DLGAP2: variants seen among roughly 807,000 people sequenced by gnomAD.
DLGAP2 encodes the protein disks large-associated protein 2.
DLGAP2 carries 26 observed loss-of-function variants against 100.3 expected under a neutral mutation model. The observed-to-expected ratio is 0.26, with a 90% confidence interval of 0.19 to 0.36. DLGAP2 has a LOEUF of 0.36. Ranked by LOEUF, DLGAP2 falls within the 10% of genes least tolerant of loss-of-function variation. The pLI is 1.00. For missense variants in DLGAP2, 1,858 were observed against 1,453.2 expected (o/e 1.28, Z -4.53); for synonymous variants, 886 against 630.1 (o/e 1.41, Z -6.08).
intron 2 of DLGAP2, among the ~76,000 whole-genome samples, chr8:1,001,828 T>C (rs541068746): frequency 6.6e-6 from 1 of 152,148 alleles, no homozygotes; most frequent in Admixed American, 6.5e-5. Flanking sequence ...ATCTTGACAC[T>C]CAGAACAGAT....
chr8:841,687 T>A (rs1036933877), intron 1 of DLGAP2, among the ~76,000 whole-genome samples: 2 of 152,140 alleles, frequency 1.3e-5, no homozygotes, highest in African/African-American at 4.8e-5. Context: ...GCTCAAGCGA[T>A]TCTCCTGCCT....
intron 2 of DLGAP2, among the ~76,000 whole-genome samples, chr8:909,697 A>T (rs191134954): frequency 6.6e-6 from 1 of 152,322 alleles, no homozygotes; most frequent in African/African-American, 2.4e-5. Context: ...GGAAGACCAT[A>T]GGCTTTAATA....
At chr8:1,568,254 C>T (rs1225797864) in intron 6 of DLGAP2, among the ~76,000 whole-genome samples, 1 of 133,934 alleles carries the variant, frequency 7.5e-6, no homozygotes, top group African/African-American at 3.0e-5. Context: ...GCCCATGGCC[C>T]CCGTGCCACT....
At position 1,352,242 on chromosome 8, in the gene DLGAP2, A is replaced by T. The variant is rs1347305313; in HGVS notation, c.106+93359A>T. Among the ~76,000 whole-genome samples the T allele has an allele frequency of 4.3e-5, 5 of 117,562 alleles. 1 individual carries two copies. Among genetic ancestry groups the T allele is most frequent in the African/African-American group, 1.6e-4 (5 of 30,532 alleles). 77.1% of individuals were successfully genotyped at this position (117,562 alleles called of 152,430 possible). On this transcript the variant is annotated intron_variant, in intron 3 of 14. Coordinates refer to ENST00000637795, the MANE Select transcript of DLGAP2 (RefSeq NM_001346810.2). ...CCGTGCGGGTCCTGACTGTGTTTGG[A>T]AAGGCCGTGTGGGTCCTGATCGTGT...
chr8:1,494,127 G>A (rs545339921), intron 3 of DLGAP2, among the ~76,000 whole-genome samples: 1 of 152,216 alleles, frequency 6.6e-6, no homozygotes, highest in Non-Finnish European at 1.5e-5. Flanking sequence ...CACAGTGGAC[G>A]AAAGTGGGTC....
At chr8:1,173,269 C>T (rs7814374) in intron 2 of DLGAP2, among the ~76,000 whole-genome samples, 112,937 of 152,070 alleles carry the variant, frequency 0.74, 43,213 homozygotes, top group Non-Finnish European at 0.83. Flanking sequence ...TACCCGGCCA[C>T]GTGAGGTGTC....
intron 1 of DLGAP2, among the ~76,000 whole-genome samples, chr8:826,620 C>A (rs910812678): frequency 1.3e-5 from 2 of 151,770 alleles, no homozygotes; most frequent in Non-Finnish European, 2.9e-5. Flanking sequence ...AGCTGGGAGC[C>A]CTGCCTTCTG....
chr8:770,378 G>T (rs952954877), intron 1 of DLGAP2, among the ~76,000 whole-genome samples: 1 of 152,140 alleles, frequency 6.6e-6, no homozygotes. Flanking sequence ...TTAATCACAG[G>T]TCCATGCTAT....
intron 3 of DLGAP2, among the ~76,000 whole-genome samples, chr8:1,311,155 A>G (rs1800605248): frequency 6.6e-6 from 1 of 152,216 alleles, no homozygotes; most frequent in African/African-American, 2.4e-5. Context: ...GAACAATTGT[A>G]CACCAATAAA....
intron 1 of DLGAP2, among the ~76,000 whole-genome samples, chr8:744,883 A>G (rs1820577637): frequency 6.6e-6 from 1 of 152,178 alleles, no homozygotes; most frequent in Non-Finnish European, 1.5e-5. Context: ...TCATGCTCCC[A>G]GCCTCCGAAT....
At chr8:1,681,944 C>CTTCCCAGCAGTGATCTGGG (rs1280194266) in intron 12 of DLGAP2, among the ~76,000 whole-genome samples, 1 of 138,894 alleles carries the variant, frequency 7.2e-6, no homozygotes, top group Non-Finnish European at 1.5e-5. Context: ...AACGCTCTGC[C>CTTCCCAGCAGTGATCTGGG]TTCCCAGCAG....
rs553036029 is a variant in DLGAP2 at position 1,615,779 on chromosome 8, T to C, written c.1443-10961T>C. On this transcript the variant is annotated intron_variant, in intron 6 of 14. Coordinates refer to ENST00000637795, the MANE Select transcript of DLGAP2 (RefSeq NM_001346810.2). ...TTAAAGCAGCCATTGTAAGGTCTTA[T>C]GAATGACATAAAAATATTAGAATTC... 3.7e-4 allele frequency among the ~76,000 whole-genome samples: 57 copies of C among 152,244 alleles called. 1 individual carries two copies. The highest frequency in any genetic ancestry group is 1.2e-3 in the African/African-American group (49 of 41,518).
intron 3 of DLGAP2, among the ~76,000 whole-genome samples, chr8:1,298,823 G>C (rs1174770234): frequency 1.3e-5 from 2 of 152,232 alleles, no homozygotes; most frequent in Non-Finnish European, 2.9e-5. Context: ...GGCCGTGGCA[G>C]CTCATGAACA....
At position 1,704,127 on chromosome 8, in the gene DLGAP2, G is replaced by C. The variant is rs1013842608; in HGVS notation, c.*2721G>C. The C allele has an allele frequency of 6.6e-6, 1 of 152,600 alleles. No homozygotes were observed. The highest frequency in any genetic ancestry group is 2.4e-5 in the African/African-American group (1 of 41,440). 9.5% of individuals were successfully genotyped at this position (152,600 alleles called of 1,614,324 possible). On this transcript the variant is annotated 3_prime_UTR_variant, in exon 15 of 15. Coordinates refer to ENST00000637795, the MANE Select transcript of DLGAP2 (RefSeq NM_001346810.2). ...TATGATACTTGTGTTAGTCACTCGA[G>C]CTAGCTTATTTCAGCCACTTCTAGC...
chr8:1,051,182 C>A (rs918897795), intron 2 of DLGAP2, among the ~76,000 whole-genome samples: 1 of 152,070 alleles, frequency 6.6e-6, no homozygotes, highest in Non-Finnish European at 1.5e-5. Context: ...GCAACATTGT[C>A]AGCACCACCT....
At chr8:1,343,062 C>G (rs1400205973) in intron 3 of DLGAP2, among the ~76,000 whole-genome samples, 1 of 152,188 alleles carries the variant, frequency 6.6e-6, no homozygotes, top group Non-Finnish European at 1.5e-5. Context: ...CATATTTTCA[C>G]AAACCGGAGA....
intron 3 of DLGAP2, among the ~76,000 whole-genome samples, chr8:1,365,704 C>A (rs867686399): frequency 5.9e-5 from 9 of 152,206 alleles, no homozygotes; most frequent in African/African-American, 2.2e-4. Context: ...TAGATGGAGC[C>A]GCTGCAGCCA....
intron 3 of DLGAP2, chr8:1,262,608 T>G (rs1260758760): frequency 6.6e-6 from 1 of 152,196 alleles, no homozygotes. Flanking sequence ...ATTTGCCAAT[T>G]TAATACTAAG....
At chr8:1,556,268 C>G (rs779239983) in intron 5 of DLGAP2, among the ~76,000 whole-genome samples, 2 of 152,208 alleles carry the variant, frequency 1.3e-5, no homozygotes, top group African/African-American at 2.4e-5. Flanking sequence ...CGGCTCTGTC[C>G]TCTCCCTCCC....
Sources: gnomAD v4.1 joint callset for allele counts (sites outside exome capture counted in the v4.1 genomes callset) on GRCh38, gnomAD v4.1.1 for gene constraint, MANE v1.5 for transcripts, NCBI Gene and HGNC (gene_info 2026-07-23, HGNC 2026-07-21) for gene names.